ZNF519: variants seen among roughly 807,000 people sequenced by gnomAD.
ZNF519 encodes zinc finger protein 519.
Under a neutral mutation model 7.4 loss-of-function variants are expected in ZNF519, and 7 were observed. The ratio of observed to expected loss-of-function variants is 0.94; its 90% CI spans 0.54 to 1.77. ZNF519 has a LOEUF of 1.77. Among genes scored for constraint, ZNF519 ranks in the 40% most tolerant of loss-of-function variants. The pLI is 0.00. For missense variants in ZNF519, 586 were observed against 623.1 expected, an observed-to-expected ratio of 0.94 and a Z score of 0.63; for synonymous variants, 179 against 203.3, an observed-to-expected ratio of 0.88 and a Z score of 1.02.
At chr18:14,107,849 A>T (rs983175071) in intron 2 of ZNF519, among the ~76,000 whole-genome samples, 1 of 152,114 alleles carries the variant, frequency 6.6e-6, no homozygotes, top group African/African-American at 2.4e-5. Context: ...CTGCCTGTGG[A>T]ATAAGGACGG....
rs552650045 is a variant in ZNF519, at chr18:14,128,460, G to A, written c.3+3815C>T. Among the ~76,000 whole-genome samples, 3 of 152,238 alleles carry A rather than the reference G, an allele frequency of 2.0e-5. No individual in the cohort carries two copies. In the South Asian group the frequency reaches 6.2e-4, roughly 32 times the overall value. ...TCAACTGTACCATTTGTCATACACA[G>A]CTTATTATAATTTGGGCTGTCATCT... is the stretch of plus-strand genomic sequence containing the variant. On this transcript the variant is annotated intron_variant, in intron 1 of 2. Transcript: ENST00000590202.
exon 5 of ZNF519, chr18:14,076,185 C>T (rs1255567345): frequency 6.6e-6 from 1 of 152,062 alleles, no homozygotes; most frequent in Non-Finnish European, 1.5e-5. Flanking sequence ...TAAAACTCCA[C>T]ATATATTTCA....
intron 2 of ZNF519, among the ~76,000 whole-genome samples, chr18:14,088,657 A>G (rs945137386): frequency 2.0e-5 from 3 of 152,184 alleles, no homozygotes; most frequent in African/African-American, 4.8e-5. Flanking sequence ...ATGGAGTAAA[A>G]ATTAAAGGAG....
At chr18:14,124,321 T>G (rs1271081423) in intron 2 of ZNF519, 29 bp downstream of exon 2, 1 of 1,570,628 alleles carries the variant, frequency 6.4e-7, no homozygotes, top group African/African-American at 1.4e-5. Context: ...GAGGGAGAAT[T>G]AGGAATTATG....
At chr18:14,073,076 A>G (rs2046033955), downstream of ZNF519, 1 of 152,196 alleles carries the variant, frequency 6.6e-6, no homozygotes. Context: ...GCAGAGTCAC[A>G]TGACATTTGA....
intron 2 of ZNF519, chr18:14,122,066 G>C (rs777502482): frequency 2.0e-5 from 3 of 152,136 alleles, no homozygotes; most frequent in Non-Finnish European, 4.4e-5. Flanking sequence ...GCTATCATTA[G>C]TGTTCGTGTA....
intron 1 of ZNF519, among the ~76,000 whole-genome samples, chr18:14,131,511 AT>A (rs2035064361): frequency 6.6e-6 from 1 of 152,196 alleles, no homozygotes; most frequent in Admixed American, 6.5e-5. Flanking sequence ...CATTTGGAAA[AT>A]GCAGGCGAAA....
intron 3 of ZNF519, among the ~76,000 whole-genome samples, chr18:14,083,544 A>G (rs1194684676): frequency 4.6e-5 from 7 of 152,246 alleles, no homozygotes; most frequent in Admixed American, 4.6e-4. Flanking sequence ...ACCCTTTATC[A>G]TCTGCATGAA....
rs1434050008 is a variant in ZNF519 at position 14,106,275 on chromosome 18, CTATACT to C, written c.259_264del (p.Ser87_Ile88del). 1.9e-6 allele frequency: 3 copies of C among 1,613,170 alleles called. No individual in the cohort carries two copies. The highest frequency in any genetic ancestry group is 2.5e-6 in the Non-Finnish European group (3 of 1,179,886). On this transcript the variant is annotated inframe_deletion, in exon 3 of 3. Coordinates refer to ENST00000590202, the MANE Select transcript of ZNF519 (RefSeq NM_145287.4). ...CATTCCTTTTGTCCTTCACCTTCAC[CTATACT>C]TTCCCAGTTTTTCCATAAGCATATA...
chr18:14,118,293 C>T (rs549789823), intron 2 of ZNF519, among the ~76,000 whole-genome samples: 22 of 152,216 alleles, frequency 1.4e-4, no homozygotes, highest in African/African-American at 4.8e-4. Flanking sequence ...CTCCTGACCT[C>T]GTGATCCACC....
Position 14,118,065 on chromosome 18 carries a change from A to G in ZNF519, c.130+6285T>C, listed in dbSNP as rs145405025. ...ATGTGCCTTATATATACAATGAAATATTCTTTTTTTTGAGACAGAGTCTCG... is the reference window on the plus strand; with the variant it reads ...ATGTGCCTTATATATACAATGAAATGTTCTTTTTTTTGAGACAGAGTCTCG... On this transcript the variant is annotated intron_variant, in intron 2 of 2. Coordinates refer to ENST00000590202, the MANE Select transcript of ZNF519 (RefSeq NM_145287.4). Among the ~76,000 whole-genome samples the G allele has an allele frequency of 5.2e-3, 791 of 152,178 alleles. 7 individuals carry two copies. The highest frequency in any genetic ancestry group is 0.018 in the African/African-American group (744 of 41,530).
At chr18:14,099,040 G>A (rs574562615), downstream of ZNF519, among the ~76,000 whole-genome samples, 15 of 152,194 alleles carry the variant, frequency 9.9e-5, no homozygotes, top group African/African-American at 3.1e-4. Context: ...TCTGTTCTCA[G>A]TGTCAGGTCT....
Position 14,130,708 on chromosome 18 carries a change from G to A in ZNF519, c.3+1567C>T, listed in dbSNP as rs548743000. 1.2e-4 allele frequency among the ~76,000 whole-genome samples: 18 copies of A among 152,034 alleles called. 1 individual carries two copies. In the South Asian group the frequency reaches 3.7e-3, roughly 32 times the overall value. Reference sequence around the variant, plus strand: ...TGCCTCCCTGGGGTGGGTTTTTCTTGTCCTTCAGGTTAGTTTCTCTCCCTT... The same window carrying A: ...TGCCTCCCTGGGGTGGGTTTTTCTTATCCTTCAGGTTAGTTTCTCTCCCTT... On this transcript the variant is annotated intron_variant, in intron 1 of 2. Coordinates refer to ENST00000590202, the MANE Select transcript of ZNF519 (RefSeq NM_145287.4).
At chr18:14,088,534 T>C (rs1369090878) in intron 2 of ZNF519, among the ~76,000 whole-genome samples, 1 of 152,168 alleles carries the variant, frequency 6.6e-6, no homozygotes, top group Non-Finnish European at 1.5e-5. Flanking sequence ...AGCACAGAGA[T>C]CAGGACCACA....
intron 2 of ZNF519, among the ~76,000 whole-genome samples, chr18:14,110,093 G>A (rs1199417248): frequency 6.6e-6 from 1 of 151,954 alleles, no homozygotes; most frequent in Non-Finnish European, 1.5e-5. Flanking sequence ...ACAAATTGAG[G>A]AAACAACACC....
chr18:14,091,009 C>T (rs1034517320), intron 2 of ZNF519: 2 of 152,004 alleles, frequency 1.3e-5, no homozygotes, highest in Admixed American at 6.5e-5. Context: ...ACTTTTAGTA[C>T]TCAATAGCAA....
intron 2 of ZNF519, among the ~76,000 whole-genome samples, chr18:14,117,617 A>T (rs73422339): frequency 0.062 from 9,383 of 152,080 alleles, 348 homozygotes; most frequent in African/African-American, 0.097. Flanking sequence ...TGGGTATTTT[A>T]AAAAAAAGAG....
In ZNF519 at chr18:14,130,847, GAA is replaced by G. The variant is rs56750676; in HGVS notation, c.3+1426_3+1427del. Among the ~76,000 whole-genome samples, 124 of 145,526 alleles carry G rather than the reference GAA, an allele frequency of 8.5e-4. 1 individual carries two copies. Among genetic ancestry groups the G allele is most frequent in the African/African-American group, 2.5e-3 (100 of 39,500 alleles). On this transcript the variant is annotated intron_variant, in intron 1 of 2. Coordinates refer to ENST00000590202, the MANE Select transcript of ZNF519 (RefSeq NM_145287.4). ...CATGGAATGAAAACTGGGGTTGGGG[GAA>G]AAAAAAAAAAAATCTTAAAAATCCC...
rs1403333410 is a variant in ZNF519 at position 14,124,488 on chromosome 18, T to C, written c.4-12A>G. 3.1e-6 allele frequency: 5 copies of C among 1,605,816 alleles called. No homozygotes were observed. Among genetic ancestry groups the C allele is most frequent in the African/African-American group, 2.7e-5 (2 of 74,334 alleles). On this transcript the variant is annotated splice_polypyrimidine_tract_variant and intron_variant, in intron 1 of 2. Transcript: ENST00000590202. Reference sequence around the variant, plus strand: ...AATGTTAAGAGTTCCTGGAAACACATATATCAAGTGACAGAGCTCTTAATT... The same window carrying C: ...AATGTTAAGAGTTCCTGGAAACACACATATCAAGTGACAGAGCTCTTAATT...
Sources: allele counts gnomAD v4.1 joint callset (sites outside exome capture counted in the v4.1 genomes callset), GRCh38; gene constraint gnomAD v4.1.1; transcripts MANE v1.5; gene names NCBI Gene and HGNC (gene_info 2026-07-23, HGNC 2026-07-21).